The following LRRTM4 variants were observed in gnomAD, a reference collection of about 807,000 sequenced individuals.
The protein encoded by LRRTM4 is leucine rich repeat transmembrane neuronal 4, also known as leucine-rich repeat transmembrane neuronal protein 4.
Under a neutral mutation model 47.6 loss-of-function variants are expected in LRRTM4, and 25 were observed. The observed-to-expected ratio is 0.53, with a 90% confidence interval of 0.38 to 0.73. The LOEUF (loss-of-function observed/expected upper bound fraction) is 0.73, where lower values mean the gene tolerates loss of function less well. Among genes scored for constraint, LRRTM4 ranks in the 30% least tolerant of loss-of-function variants. LRRTM4 has a pLI of 0.00. For missense variants in LRRTM4, 638 were observed against 713.4 expected (o/e 0.89, Z 1.20); for synonymous variants, 311 against 269.5 (o/e 1.15, Z -1.51).
chr2:76,927,496 G>A (rs74651935), intron 3 of LRRTM4, among the ~76,000 whole-genome samples: 53 of 152,164 alleles, frequency 3.5e-4, no homozygotes, highest in African/African-American at 1.2e-3. Context: ...GAATTGGAAA[G>A]GCTTCCTGGT....
chr2:77,189,190 A>G (rs930202601), intron 3 of LRRTM4, among the ~76,000 whole-genome samples: 2 of 152,224 alleles, frequency 1.3e-5, no homozygotes, highest in African/African-American at 4.8e-5. Flanking sequence ...CTCTCTAGAT[A>G]TATTTAAATC....
chr2:76,865,009 T>G (rs1373897013), intron 3 of LRRTM4, among the ~76,000 whole-genome samples: 1 of 152,148 alleles, frequency 6.6e-6, no homozygotes, highest in South Asian at 2.1e-4. Context: ...TCTTGATTCT[T>G]ACTTAATTAT....
intron 3 of LRRTM4, among the ~76,000 whole-genome samples, chr2:76,919,089 A>G (rs1674347650): frequency 6.6e-6 from 1 of 152,170 alleles, no homozygotes; most frequent in Non-Finnish European, 1.5e-5. Flanking sequence ...AGACATTCTT[A>G]ATTCTTCCAG....
chr2:77,018,096 G>A (rs1252537332), intron 3 of LRRTM4, among the ~76,000 whole-genome samples: 2 of 151,674 alleles, frequency 1.3e-5, no homozygotes, highest in East Asian at 3.9e-4. Flanking sequence ...AGAAAGAATT[G>A]AAAGTACTAT....
chr2:76,807,467 T>C (rs1365068595), intron 3 of LRRTM4, among the ~76,000 whole-genome samples: 7 of 89,358 alleles, frequency 7.8e-5, no homozygotes, highest in Admixed American at 2.7e-4. Flanking sequence ...TACATATATA[T>C]ATACATATAT....
chr2:76,794,153 G>GT (rs11449661), intron 3 of LRRTM4, among the ~76,000 whole-genome samples: 5,384 of 152,272 alleles, frequency 0.035, 290 homozygotes, highest in African/African-American at 0.12. Flanking sequence ...CAGTTCATAT[G>GT]TAGGCCAGAG....
chr2:77,127,976 C>G (rs1051584103), intron 3 of LRRTM4, among the ~76,000 whole-genome samples: 1 of 152,062 alleles, frequency 6.6e-6, no homozygotes, highest in Admixed American at 6.6e-5. Flanking sequence ...AACCCTGTCT[C>G]TACTAAAAAT....
chr2:77,152,485 C>A (rs778063598), intron 3 of LRRTM4, among the ~76,000 whole-genome samples: 1 of 152,018 alleles, frequency 6.6e-6, no homozygotes, highest in African/African-American at 2.4e-5. Flanking sequence ...TGTGCCACCA[C>A]GCCGGGCTAA....
chr2:77,336,286 A>C (rs1671166430), intron 3 of LRRTM4, among the ~76,000 whole-genome samples: 1 of 151,278 alleles, frequency 6.6e-6, no homozygotes, highest in Admixed American at 6.6e-5. Flanking sequence ...GGGAGAAAGG[A>C]AACAAGGAAG....
chr2:77,274,360 G>A (rs778325677), intron 3 of LRRTM4, among the ~76,000 whole-genome samples: 62 of 152,232 alleles, frequency 4.1e-4, no homozygotes, highest in Non-Finnish European at 7.8e-4. Flanking sequence ...AAATTGCAGA[G>A]AAACGTGGTG....
intron 3 of LRRTM4, among the ~76,000 whole-genome samples, chr2:77,430,488 G>A (rs751346918): frequency 9.2e-5 from 14 of 152,138 alleles, no homozygotes; most frequent in Middle Eastern, 3.4e-3. Flanking sequence ...TTGGAAGGCC[G>A]AGGCGGGAGG....
At chr2:77,138,456 G>C (rs1020298730) in intron 3 of LRRTM4, among the ~76,000 whole-genome samples, 1 of 152,118 alleles carries the variant, frequency 6.6e-6, no homozygotes, top group Non-Finnish European at 1.5e-5. Context: ...CAGAATCTCT[G>C]GGACACATTT....
intron 3 of LRRTM4, among the ~76,000 whole-genome samples, chr2:77,058,657 A>G (rs1318792157): frequency 2.0e-5 from 3 of 152,086 alleles, no homozygotes; most frequent in Non-Finnish European, 4.4e-5. Context: ...CATTTGCTTG[A>G]TTAAAACCAG....
rs115055559 is a variant in LRRTM4, at chr2:77,394,776, G to A, written c.1551+123542C>T. Among the ~76,000 whole-genome samples, 673 of 152,082 alleles carry A rather than the reference G, an allele frequency of 4.4e-3. 8 individuals are homozygous for A. The highest frequency in any genetic ancestry group is 0.016 in the African/African-American group (650 of 41,540). The stretch of plus-strand genomic sequence containing the variant: ...ACAGTTAGGCCCCCTATGTCAAAAG[G>A]TGAAGCAGGAACACGAAGGCATTCA... On this transcript the variant is annotated intron_variant, in intron 3 of 3. Transcript: ENST00000409884.
chr2:77,469,050 G>T (rs999634302), intron 3 of LRRTM4, among the ~76,000 whole-genome samples: 2 of 152,234 alleles, frequency 1.3e-5, no homozygotes, highest in African/African-American at 4.8e-5. Context: ...CCTCAGTCAA[G>T]GAGTACGGAA....
intron 3 of LRRTM4, among the ~76,000 whole-genome samples, chr2:77,000,892 C>T (rs1677398672): frequency 6.6e-6 from 1 of 152,068 alleles, no homozygotes; most frequent in Non-Finnish European, 1.5e-5. Flanking sequence ...TTCTTGTACA[C>T]TGGGAATCTC....
intron 3 of LRRTM4, among the ~76,000 whole-genome samples, chr2:77,087,043 A>C (rs1680740746): frequency 6.8e-6 from 1 of 146,314 alleles, no homozygotes; most frequent in South Asian, 2.1e-4. Context: ...ACAAAAGAAG[A>C]TAGAATTGAA....
intron 3 of LRRTM4, among the ~76,000 whole-genome samples, chr2:77,515,345 A>G (rs964666276): frequency 3.3e-5 from 5 of 151,886 alleles, no homozygotes; most frequent in African/African-American, 7.2e-5. Context: ...ATTGCATGCT[A>G]TATTTGTGTG....
intron 3 of LRRTM4, among the ~76,000 whole-genome samples, chr2:76,874,847 C>T (rs1272191448): frequency 6.6e-6 from 1 of 151,168 alleles, no homozygotes; most frequent in Non-Finnish European, 1.5e-5. Flanking sequence ...TTAAACTTTG[C>T]TTATTTGAAG....
Sources: gnomAD v4.1 joint callset for allele counts (sites outside exome capture counted in the v4.1 genomes callset) on GRCh38, gnomAD v4.1.1 for gene constraint, MANE v1.5 for transcripts, NCBI Gene and HGNC (gene_info 2026-07-23, HGNC 2026-07-21) for gene names.